The following ELOVL5 variants were observed in gnomAD, a reference collection of about 807,000 sequenced individuals.
ELOVL5 encodes ELOVL fatty acid elongase 5.
In ELOVL5, 8 loss-of-function variants were observed where a neutral mutation model predicts 38.6. The ratio of observed to expected loss-of-function variants is 0.21; its 90% CI spans 0.12 to 0.37. ELOVL5 has a LOEUF of 0.37. ELOVL5 is among the 10% of genes least tolerant of loss of function. The probability of loss-of-function intolerance (pLI) is 1.00; values close to 1 mark genes in which losing one functional copy is unlikely to be tolerated. For synonymous variants in ELOVL5, 127 were observed against 133.7 expected (o/e 0.95, Z 0.34); for missense variants, 280 against 367.8 (o/e 0.76, Z 1.95).
intron 1 of ELOVL5, among the ~76,000 whole-genome samples, chr6:53,347,664 T>G (rs1472918338): frequency 6.6e-6 from 1 of 152,188 alleles, no homozygotes; most frequent in Admixed American, 6.5e-5. Flanking sequence ...ATCTAGCACC[T>G]CTCGGTTCCT....
chr6:53,340,694 A>G (rs1251340378), intron 1 of ELOVL5, among the ~76,000 whole-genome samples: 1 of 152,232 alleles, frequency 6.6e-6, no homozygotes, highest in African/African-American at 2.4e-5. Flanking sequence ...GCAATGTGGT[A>G]TATCATATGC....
At chr6:53,321,960 A>C (rs930254027) in intron 1 of ELOVL5, among the ~76,000 whole-genome samples, 3 of 152,236 alleles carry the variant, frequency 2.0e-5, no homozygotes, top group African/African-American at 7.2e-5. Context: ...GGTTATTAGT[A>C]CACAGTAAAT....
chr6:53,313,981 T>C (rs560224888), intron 1 of ELOVL5, among the ~76,000 whole-genome samples: 1 of 152,350 alleles, frequency 6.6e-6, no homozygotes, highest in South Asian at 2.1e-4. Context: ...AAGGCTGAGG[T>C]GACGTCTTCT....
At chr6:53,281,771 G>C (rs1766370495) in intron 3 of ELOVL5, among the ~76,000 whole-genome samples, 1 of 151,646 alleles carries the variant, frequency 6.6e-6, no homozygotes. Context: ...TTCATGTCCA[G>C]AGCATAAGGA....
intron 2 of ELOVL5, among the ~76,000 whole-genome samples, chr6:53,293,418 A>C (rs916641337): frequency 6.6e-6 from 1 of 152,140 alleles, no homozygotes; most frequent in African/African-American, 2.4e-5. Flanking sequence ...CTAGGGTCCA[A>C]GCGATTCTCC....
chr6:53,332,769 G>A (rs1017649089), intron 1 of ELOVL5, among the ~76,000 whole-genome samples: 2 of 152,158 alleles, frequency 1.3e-5, no homozygotes, highest in Non-Finnish European at 2.9e-5. Context: ...TTTTCATCAG[G>A]TACTAGTTTC....
chr6:53,286,650 C>T (rs1766581581), intron 3 of ELOVL5, among the ~76,000 whole-genome samples: 1 of 151,986 alleles, frequency 6.6e-6, no homozygotes, highest in African/African-American at 2.4e-5. Flanking sequence ...AATTCCAACA[C>T]TGAAATAATA....
chr6:53,276,911 A>C (rs1041513624), intron 3 of ELOVL5: 1 of 151,612 alleles, frequency 6.6e-6, no homozygotes, highest in Non-Finnish European at 1.5e-5. Context: ...TGAAGGCTTC[A>C]CAAGTGCCCA....
At chr6:53,288,418 T>C (rs1309729507) in intron 3 of ELOVL5, among the ~76,000 whole-genome samples, 2 of 152,184 alleles carry the variant, frequency 1.3e-5, no homozygotes, top group South Asian at 2.1e-4. Context: ...GCTTTCACCA[T>C]GGACTGTGAT....
At chr6:53,340,064 G>A (rs1282447106) in intron 1 of ELOVL5, among the ~76,000 whole-genome samples, 3 of 151,740 alleles carry the variant, frequency 2.0e-5, no homozygotes, top group Non-Finnish European at 4.4e-5. Flanking sequence ...ACTTTAAAAG[G>A]AGAAAAAAAG....
intron 4 of ELOVL5, 50 bp from the exon 5 acceptor site, chr6:53,275,311 G>C: frequency 3.2e-6 from 5 of 1,571,074 alleles, no homozygotes; most frequent in Non-Finnish European, 4.4e-6. Flanking sequence ...GGCTTCTCTG[G>C]AATATCACCT....
intron 1 of ELOVL5, among the ~76,000 whole-genome samples, chr6:53,305,281 C>G: frequency 7.4e-6 from 1 of 135,642 alleles, no homozygotes; most frequent in East Asian, 2.3e-4. Context: ...GGCGGCCGGG[C>G]AGAGGCGCCC....
intron 3 of ELOVL5, among the ~76,000 whole-genome samples, chr6:53,285,492 G>C (rs997466823): frequency 2.0e-5 from 3 of 152,242 alleles, no homozygotes; most frequent in African/African-American, 7.2e-5. Flanking sequence ...GTAGCAGCAA[G>C]TGCTGCTATA....
At chr6:53,303,287 G>A (rs1392949745) in intron 1 of ELOVL5, among the ~76,000 whole-genome samples, 4 of 152,196 alleles carry the variant, frequency 2.6e-5, no homozygotes, top group Admixed American at 6.5e-5. Flanking sequence ...GTAACTTGAC[G>A]ACAGAATTCA....
At chr6:53,278,789 C>T (rs573180883) in intron 3 of ELOVL5, among the ~76,000 whole-genome samples, 1 of 152,296 alleles carries the variant, frequency 6.6e-6, no homozygotes, top group South Asian at 2.1e-4. Context: ...CTACTCACAC[C>T]TACCACACTT....
At chr6:53,347,679 C>T (rs562915409) in intron 1 of ELOVL5, among the ~76,000 whole-genome samples, 2 of 152,208 alleles carry the variant, frequency 1.3e-5, no homozygotes, top group East Asian at 1.9e-4. Context: ...GTTCCTCAGT[C>T]TAGCTAATAA....
intron 1 of ELOVL5, among the ~76,000 whole-genome samples, chr6:53,323,075 G>C (rs1314025093): frequency 6.6e-6 from 1 of 152,198 alleles, no homozygotes; most frequent in Non-Finnish European, 1.5e-5. Context: ...GCCTGCACTT[G>C]TTGGAAAATG....
chr6:53,286,723 A>T (rs1331673731), intron 3 of ELOVL5, among the ~76,000 whole-genome samples: 4 of 152,242 alleles, frequency 2.6e-5, no homozygotes, highest in Non-Finnish European at 5.9e-5. Context: ...AATGAATTAC[A>T]TCTATACGAC....
chr6:53,342,902 C>G (rs1769388081), intron 1 of ELOVL5, among the ~76,000 whole-genome samples: 1 of 151,922 alleles, frequency 6.6e-6, no homozygotes, highest in African/African-American at 2.4e-5. Flanking sequence ...AAAAGGTCAC[C>G]AAGTATGAAT....
Sources: gnomAD v4.1 joint callset for allele counts (sites outside exome capture counted in the v4.1 genomes callset) on GRCh38, gnomAD v4.1.1 for gene constraint, MANE v1.5 for transcripts, NCBI Gene and HGNC (gene_info 2026-07-23, HGNC 2026-07-21) for gene names.